FKBP15: variants seen among roughly 807,000 people sequenced by gnomAD.
FKBP15 encodes the protein FK506-binding protein 15.
Under a neutral mutation model 158.1 loss-of-function variants are expected in FKBP15, and 106 were observed. The observed-to-expected ratio is 0.67, with a 90% CI of 0.57 to 0.79. The LOEUF is 0.79. Ranked by LOEUF, FKBP15 falls within the 30% of genes least tolerant of loss-of-function variation. FKBP15 has a pLI of 0.00. For synonymous variants in FKBP15, 547 were observed against 548.6 expected, an observed-to-expected ratio of 1.00 and a Z score of 0.04; for missense variants, 1,287 against 1,479.1, an observed-to-expected ratio of 0.87 and a Z score of 2.13.
rs576621017 is a variant in FKBP15, at chr9:113,183,401, G to A, written c.1811+350C>T. Among the ~76,000 whole-genome samples the A allele has an allele frequency of 5.3e-5, 8 of 152,162 alleles. No individual in the cohort carries two copies. The East Asian group carries it at 1.5e-3, about 29-fold the overall frequency. ...GCTGAGTTCTGATGGATAAAATAGA[G>A]TTAGCCCACACAGAAGAGAGAAGAG... On this transcript the variant is annotated intron_variant, in intron 18 of 27. Transcript: ENST00000238256.
At chr9:113,201,175 G>A (rs7029228) in intron 6 of FKBP15, among the ~76,000 whole-genome samples, 34,500 of 151,060 alleles carry the variant, frequency 0.23, 4,669 homozygotes, top group African/African-American at 0.36. Context: ...AAGGTACGAT[G>A]AGAAAATTGA....
Position 113,162,661 on chromosome 9 carries a change from C to G in FKBP15, c.*3417G>C. ...TATAAATCAATCGGGTCACGTAACT[C>G]AACAGCTTTCTACTCCCTGATATCT... On this transcript the variant is annotated 3_prime_UTR_variant, in exon 28 of 28. Transcript: ENST00000238256. The G allele has an allele frequency of 2.4e-6, 3 of 1,274,016 alleles. No individual in the cohort carries two copies. Among genetic ancestry groups the G allele is most frequent in the Non-Finnish European group, 3.3e-6 (3 of 911,192 alleles). The allele number at this position is 1,274,016 out of a possible 1,614,324, so 78.9% of individuals were successfully genotyped here.
At chr9:113,206,188 ATGTG>A (rs1455538191) in intron 4 of FKBP15, 4 of 350,436 alleles carry the variant, frequency 1.1e-5, no homozygotes, top group Non-Finnish European at 2.1e-5. Context: ...GTGTATATAT[ATGTG>A]TGTATTTGTG....
At chr9:113,205,641 T>C (rs1179529978) in intron 4 of FKBP15, among the ~76,000 whole-genome samples, 1 of 152,178 alleles carries the variant, frequency 6.6e-6, no homozygotes, top group African/African-American at 2.4e-5. Context: ...AAAATTACCA[T>C]ACGAGTCAGC....
chr9:113,183,784 T>G lies in FKBP15; in HGVS notation c.1778A>C (p.Asp593Ala). 1 of 1,613,700 alleles carries G rather than the reference T, an allele frequency of 6.2e-7. No homozygotes were observed. Among genetic ancestry groups the G allele is most frequent in the South Asian group, 1.1e-5 (1 of 91,060 alleles). ...EKSNRIEEQNDKISELIERNQ... is the reference protein window; with the variant it reads ...EKSNRIEEQNAKISELIERNQ... The stretch of plus-strand genomic sequence containing the variant: ...TCGTTCAATTAGTTCACTAATCTTG[T>G]CATTCTGTTCTTCTATCCGATTGCT... The change falls in exon 18 of 28, where the codon GAC (aspartate) becomes GCC (alanine). Residue 593 changes from aspartate to alanine, a missense_variant. Asp to Ala is a moderately radical substitution (Grantham distance 126, BLOSUM62 -2). Transcript: ENST00000238256.
At position 113,164,318 on chromosome 9, in the gene FKBP15, C is replaced by T. The variant is rs1030847584; in HGVS notation, c.*1760G>A. 1 of 152,232 alleles carries T rather than the reference C, an allele frequency of 6.6e-6. No individual in the cohort carries two copies. The highest frequency in any genetic ancestry group is 1.5e-5 in the Non-Finnish European group (1 of 68,056). 9.4% of individuals were successfully genotyped at this position (152,232 alleles called of 1,614,324 possible). ...AGGGAAACCCAGCCCTGAAATGCTGCACCCAGGTAGACACCCCAGAATGCC... is the reference window on the plus strand; with the variant it reads ...AGGGAAACCCAGCCCTGAAATGCTGTACCCAGGTAGACACCCCAGAATGCC... On this transcript the variant is annotated 3_prime_UTR_variant, in exon 28 of 28. Transcript: ENST00000238256.
intron 11 of FKBP15, among the ~76,000 whole-genome samples, chr9:113,191,647 TATAA>T (rs1201635920): frequency 2.0e-5 from 3 of 148,118 alleles, no homozygotes; most frequent in African/African-American, 7.4e-5. Context: ...ATATATATAA[TATAA>T]ATTATATATA....
At position 113,184,503 on chromosome 9, in the gene FKBP15, G is replaced by T; in HGVS notation, c.1609-104C>A. 1 of 986,776 alleles carries T rather than the reference G, an allele frequency of 1.0e-6. No individual in the cohort carries two copies. The highest frequency in any genetic ancestry group is 1.6e-6 in the Non-Finnish European group (1 of 642,202). The allele number at this position is 986,776 out of a possible 1,614,324, so 61.1% of individuals were successfully genotyped here. A position where few individuals can be genotyped will look rare whatever the true frequency, so the allele number is the denominator to read the frequency against. ...TGTTAAGGGGGTTAATGAGTTCCTGGGACAATCTCTAACTGTTAAGTTAGA... is the reference window on the plus strand; with the variant it reads ...TGTTAAGGGGGTTAATGAGTTCCTGTGACAATCTCTAACTGTTAAGTTAGA... On this transcript the variant is annotated intron_variant, in intron 16 of 27. Transcript: ENST00000238256. This position sits in a 1 kb window ranked among gnomAD's most constrained non-coding sequence, Gnocchi z 4.5.
rs757578109 is a variant in FKBP15, at chr9:113,184,336, T to C, written c.1672A>G (p.Met558Val). The C allele has an allele frequency of 1.9e-6, 3 of 1,606,482 alleles. No homozygotes were observed. The highest frequency in any genetic ancestry group is 1.7e-5 in the Admixed American group (1 of 59,050). Residue 558 changes from methionine to valine, a missense_variant, in exon 17 of 28, where the codon ATG becomes GTG. By Grantham distance (21) the Met-to-Val change is conservative. Transcript: ENST00000238256. The surrounding 1 kb of genome is among the most constrained non-coding windows in gnomAD (Gnocchi z 4.5). ...SMLIPSMSVT[M>V]ETSMIMSNIQ... ...TTGCTCATAATCATGCTTGTTTCCA[T>C]TGTAACTGACATGCTAGGAATAAGC...
chr9:113,181,724 A>G (rs970861837), intron 19 of FKBP15, among the ~76,000 whole-genome samples: 12 of 152,220 alleles, frequency 7.9e-5, no homozygotes, highest in African/African-American at 2.9e-4. Context: ...GATGCCCTTT[A>G]TAAAGAAAAA....
rs983270788 is a variant in FKBP15 at position 113,188,493 on chromosome 9, T to C, written c.1174-2A>G. 6.2e-7 allele frequency: 1 copy of C among 1,613,018 alleles called. No homozygotes were observed. The highest frequency in any genetic ancestry group is 8.5e-7 in the Non-Finnish European group (1 of 1,179,172). ...ACCTCCTTGCAGAGTGTTCACATCC[T>C]GAAACAGGAACAAGCGTTTGGGTTA... On this transcript the variant is annotated splice_acceptor_variant, in intron 12 of 27. Coordinates refer to ENST00000238256, the MANE Select transcript of FKBP15 (RefSeq NM_015258.2). LOFTEE classifies it high-confidence loss of function.
In FKBP15 at chr9:113,185,125, A is replaced by C. The variant is rs1381603457; in HGVS notation, c.1499-321T>G. Among the ~76,000 whole-genome samples, 5 of 152,220 alleles carry C rather than the reference A, an allele frequency of 3.3e-5. No individual in the cohort carries two copies. The South Asian group carries it at 1.0e-3, about 31-fold the overall frequency. ...TTTCCCGTTCATCCAACTGTATGCC[A>C]AGCATTGTACCAGGTACCAGGAATA... On this transcript the variant is annotated intron_variant, in intron 15 of 27. Coordinates refer to ENST00000238256, the MANE Select transcript of FKBP15 (RefSeq NM_015258.2).
chr9:113,184,487 G>A lies in FKBP15; in HGVS notation c.1609-88C>T, dbSNP rs1830452895. 1 of 1,096,368 alleles carries A rather than the reference G, an allele frequency of 9.1e-7. No homozygotes were observed. 67.9% of individuals were successfully genotyped at this position (1,096,368 alleles called of 1,614,324 possible). On this transcript the variant is annotated intron_variant, in intron 16 of 27. Coordinates refer to ENST00000238256, the MANE Select transcript of FKBP15 (RefSeq NM_015258.2). This position sits in a 1 kb window ranked among gnomAD's most constrained non-coding sequence, Gnocchi z 4.5. The stretch of plus-strand genomic sequence containing the variant: ...CAAGATTTGACCCTGTTGTTAAGGG[G>A]GTTAATGAGTTCCTGGGACAATCTC...
At chr9:113,215,667 T>G (rs1229667478) in intron 1 of FKBP15, among the ~76,000 whole-genome samples, 3 of 106,814 alleles carry the variant, frequency 2.8e-5, no homozygotes, top group African/African-American at 1.1e-4. Context: ...TTTTTTTTTT[T>G]GAGATGCAGT....
chr9:113,189,457 T>C (rs999403476), intron 12 of FKBP15, among the ~76,000 whole-genome samples: 2 of 152,122 alleles, frequency 1.3e-5, no homozygotes, highest in African/African-American at 4.8e-5. Context: ...TATGTTTCTT[T>C]TCTATAATTT....
At chr9:113,202,274 T>C (rs890788856) in intron 6 of FKBP15, among the ~76,000 whole-genome samples, 1 of 152,136 alleles carries the variant, frequency 6.6e-6, no homozygotes, top group South Asian at 2.1e-4. Context: ...TAGTAGAAAA[T>C]TTTTTAATAT....
chr9:113,207,125 C>A lies in FKBP15; in HGVS notation c.254+87G>T. On this transcript the variant is annotated intron_variant, in intron 3 of 27. Transcript: ENST00000238256. ...GTGGAAGGGCTAAATAACCGTTTTG[C>A]AACAAACAGAGGTTTTTCGAGAAAA... is the stretch of plus-strand genomic sequence containing the variant. The A allele has an allele frequency of 1.9e-6, 2 of 1,054,160 alleles. 1 individual carries two copies. The highest frequency in any genetic ancestry group is 4.0e-5 in the Admixed American group (2 of 49,404). The allele number at this position is 1,054,160 out of a possible 1,614,324, so 65.3% of individuals were successfully genotyped here.
At position 113,170,568 on chromosome 9, in the gene FKBP15, G is replaced by A; in HGVS notation, c.2720C>T (p.Ser907Phe). The A allele has an allele frequency of 1.2e-6, 2 of 1,613,978 alleles. No individual in the cohort carries two copies. The highest frequency in any genetic ancestry group is 1.7e-6 in the Non-Finnish European group (2 of 1,179,842). ...TCCCAGAATGGTCCTGCCATTGTAA[G>A]ATTCCTCCAGCTCAAACTCTCTCCG... is the stretch of plus-strand genomic sequence containing the variant. ...SLRREFELEE[S>F]YNGRTILGTI... is the part of the protein sequence containing the mutation. The change falls in exon 25 of 28, where the codon TCT (serine) becomes TTT (phenylalanine). Residue 907 changes from serine (S) to phenylalanine (F), a missense_variant. Coordinates refer to ENST00000238256, the MANE Select transcript of FKBP15 (RefSeq NM_015258.2).
rs1227726114 is a variant in FKBP15, at chr9:113,169,681, CT to C, written c.3027del (p.Asp1011ThrfsTer10). 2.5e-6 allele frequency: 4 copies of C among 1,613,952 alleles called. No individual in the cohort carries two copies. Among genetic ancestry groups the C allele is most frequent in the Non-Finnish European group, 3.4e-6 (4 of 1,179,860 alleles). ...LTTSQDGHRRKGDSEAEALSE... is the reference protein window; with the variant it reads ...LTTSQDGHRRXGDSEAEALSE... ...GAGAGTGCCTCAGCTTCTGAGTCCC[CT>C]TTCCTTCTGTGTCCATCCTGGGAAG... On this transcript the variant is annotated frameshift_variant, in exon 26 of 28. Transcript: ENST00000238256. LOFTEE classifies it high-confidence loss of function.
Sources: gnomAD v4.1 joint callset for allele counts (sites outside exome capture counted in the v4.1 genomes callset) on GRCh38, gnomAD v4.1.1 for gene constraint, Gnocchi (gnomAD v3.1) non-coding constraint, MANE v1.5 for transcripts, NCBI Gene and HGNC (gene_info 2026-07-23, HGNC 2026-07-21) for gene names.